Variants in ADARB2 observed in about 807,000 individuals in gnomAD.
The protein encoded by ADARB2 is adenosine deaminase RNA specific B2 (inactive), also known as inactive double-stranded RNA-specific editase B2.
Under a neutral mutation model 62.2 loss-of-function variants are expected in ADARB2, and 25 were observed. The observed-to-expected ratio is 0.40, with a 90% CI of 0.29 to 0.56. The LOEUF (loss-of-function observed/expected upper bound fraction) is 0.56, where lower values mean the gene tolerates loss of function less well. Ranked by LOEUF, ADARB2 falls within the 20% of genes least tolerant of loss-of-function variation. The probability of loss-of-function intolerance (pLI) is 0.43; values close to 1 mark genes in which losing one functional copy is unlikely to be tolerated. For missense variants in ADARB2, 1,071 were observed against 1,077.4 expected, an observed-to-expected ratio of 0.99 and a Z score of 0.08; for synonymous variants, 572 against 500.8, an observed-to-expected ratio of 1.14 and a Z score of -1.90.
chr10:1,702,991 A>C (rs1834842191), intron 1 of ADARB2, among the ~76,000 whole-genome samples: 1 of 152,264 alleles, frequency 6.6e-6, no homozygotes. Flanking sequence ...AAGTTTCTGC[A>C]ATGAATCTTC....
chr10:1,598,951 G>T (rs1833374027), intron 1 of ADARB2, among the ~76,000 whole-genome samples: 1 of 152,256 alleles, frequency 6.6e-6, no homozygotes, highest in Non-Finnish European at 1.5e-5. Context: ...CACACCTGCT[G>T]TGTGGCTGGA....
At position 1,289,712 on chromosome 10, in the gene ADARB2, C is replaced by T. The variant is rs574656787; in HGVS notation, c.1078-18643G>A. 5.2e-5 allele frequency among the ~76,000 whole-genome samples: 8 copies of T among 152,392 alleles called. No individual in the cohort carries two copies. The East Asian group carries it at 5.8e-4, about 11-fold the overall frequency. On this transcript the variant is annotated intron_variant, in intron 3 of 9. Transcript: ENST00000381312. Reference sequence around the variant, plus strand: ...TTTGGTCTATGCAGGCCTCATACCACGCATTGCTGCTGGGTGACAAGACAG... The same window carrying T: ...TTTGGTCTATGCAGGCCTCATACCATGCATTGCTGCTGGGTGACAAGACAG...
chr10:1,192,277 G>T (rs1006484414), intron 8 of ADARB2, among the ~76,000 whole-genome samples: 1 of 152,178 alleles, frequency 6.6e-6, no homozygotes, highest in East Asian at 1.9e-4. Flanking sequence ...CAGAGTGAAT[G>T]AAATAGCATG....
intron 3 of ADARB2, among the ~76,000 whole-genome samples, chr10:1,297,528 C>T (rs952353162): frequency 6.6e-6 from 1 of 152,148 alleles, no homozygotes; most frequent in Non-Finnish European, 1.5e-5. Flanking sequence ...CCGTTCAGAC[C>T]CCGAAGAGCC....
intron 3 of ADARB2, among the ~76,000 whole-genome samples, chr10:1,327,831 A>ACCT (rs113303603): frequency 1.1e-4 from 5 of 44,334 alleles, no homozygotes; most frequent in Admixed American, 2.0e-4. Flanking sequence ...ACAGCTCAGC[A>ACCT]CCTCACAGCT....
At chr10:1,666,775 C>G (rs1425490979) in intron 1 of ADARB2, among the ~76,000 whole-genome samples, 3 of 152,178 alleles carry the variant, frequency 2.0e-5, no homozygotes, top group African/African-American at 7.2e-5. Context: ...TAACTTATAT[C>G]TGAAAGACTC....
At chr10:1,260,899 A>G (rs1440957411) in intron 4 of ADARB2, among the ~76,000 whole-genome samples, 1 of 147,180 alleles carries the variant, frequency 6.8e-6, no homozygotes, top group Non-Finnish European at 1.5e-5. Flanking sequence ...CTGACTTCAA[A>G]CTATATTACA....
At chr10:1,325,316 A>G in intron 3 of ADARB2, among the ~76,000 whole-genome samples, 1 of 152,068 alleles carries the variant, frequency 6.6e-6, no homozygotes, top group Non-Finnish European at 1.5e-5. Flanking sequence ...AGGACTTCCG[A>G]CTGCACGCCT....
intron 1 of ADARB2, among the ~76,000 whole-genome samples, chr10:1,491,407 T>C (rs1419982869): frequency 6.6e-6 from 1 of 152,192 alleles, no homozygotes; most frequent in African/African-American, 2.4e-5. Context: ...AAACCTTTTA[T>C]TTAACTGGAG....
At chr10:1,720,734 C>G (rs976192544) in intron 1 of ADARB2, among the ~76,000 whole-genome samples, 1 of 152,064 alleles carries the variant, frequency 6.6e-6, no homozygotes, top group African/African-American at 2.4e-5. Context: ...CCCCTGGACA[C>G]GTGGAAACCC....
At chr10:1,336,986 G>A (rs1214437339) in intron 3 of ADARB2, among the ~76,000 whole-genome samples, 4 of 151,562 alleles carry the variant, frequency 2.6e-5, no homozygotes, top group East Asian at 3.9e-4. Flanking sequence ...AAAAATCAAC[G>A]GACAGGAGAT....
chr10:1,558,074 T>C (rs79838851), intron 1 of ADARB2, among the ~76,000 whole-genome samples: 35,288 of 152,032 alleles, frequency 0.23, 4,285 homozygotes, highest in African/African-American at 0.26. Context: ...GTGGCTTCCA[T>C]GCTTTTCATG....
chr10:1,628,160 G>A (rs77557015), intron 1 of ADARB2, among the ~76,000 whole-genome samples: 18 of 152,350 alleles, frequency 1.2e-4, no homozygotes, highest in African/African-American at 3.8e-4. Flanking sequence ...AACGGGCGGC[G>A]ATGCATTGCC....
intron 7 of ADARB2, among the ~76,000 whole-genome samples, chr10:1,212,085 C>T (rs921632601): frequency 3.3e-5 from 5 of 152,172 alleles, no homozygotes; most frequent in South Asian, 2.1e-4. Flanking sequence ...ACTTCCACCT[C>T]CATGTCCTCA....
chr10:1,629,089 G>C (rs1482791497), intron 1 of ADARB2, among the ~76,000 whole-genome samples: 1 of 152,200 alleles, frequency 6.6e-6, no homozygotes, highest in Non-Finnish European at 1.5e-5. Flanking sequence ...CAAGCTGTTC[G>C]CCAGGGTGTC....
At chr10:1,722,462 C>T (rs1269491165) in intron 1 of ADARB2, among the ~76,000 whole-genome samples, 1 of 152,230 alleles carries the variant, frequency 6.6e-6, no homozygotes, top group Non-Finnish European at 1.5e-5. Flanking sequence ...CACAAACACA[C>T]AGGGGCACAC....
chr10:1,348,457 C>T (rs996575765), intron 3 of ADARB2, among the ~76,000 whole-genome samples: 1 of 152,134 alleles, frequency 6.6e-6, no homozygotes, highest in African/African-American at 2.4e-5. Context: ...CCAGCCTGAG[C>T]AGTGCTTGCT....
chr10:1,648,605 A>G (rs958652164), intron 1 of ADARB2, among the ~76,000 whole-genome samples: 4 of 152,200 alleles, frequency 2.6e-5, no homozygotes, highest in African/African-American at 9.7e-5. Flanking sequence ...TAAGCGATCA[A>G]GAGACCCTGG....
intron 1 of ADARB2, among the ~76,000 whole-genome samples, chr10:1,485,198 G>A (rs1374789825): frequency 6.6e-6 from 1 of 152,062 alleles, no homozygotes; most frequent in Non-Finnish European, 1.5e-5. Context: ...AGGTATGTAG[G>A]TGGATCTGTA....
Sources: allele counts gnomAD v4.1 joint callset (sites outside exome capture counted in the v4.1 genomes callset), GRCh38; gene constraint gnomAD v4.1.1; transcripts MANE v1.5; gene names NCBI Gene and HGNC (gene_info 2026-07-23, HGNC 2026-07-21).